Variants in RGL1 observed in about 807,000 individuals in gnomAD.
RGL1 encodes ral guanine nucleotide dissociation stimulator like 1.
RGL1 carries 24 observed loss-of-function variants against 95.2 expected under a neutral mutation model. That is an observed-to-expected ratio of 0.25 (90% CI 0.18 to 0.35). RGL1 has a LOEUF of 0.35. RGL1 is among the 10% of genes least tolerant of loss of function. The pLI is 1.00. For missense variants in RGL1, 715 were observed against 936.3 expected, an observed-to-expected ratio of 0.76 and a Z score of 3.08; for synonymous variants, 329 against 344.9, an observed-to-expected ratio of 0.95 and a Z score of 0.51.
chr1:183,827,719 CCT>C (rs961466473), intron 2 of RGL1, among the ~76,000 whole-genome samples: 3 of 152,166 alleles, frequency 2.0e-5, no homozygotes, highest in African/African-American at 7.2e-5. Flanking sequence ...TTTCTTATTC[CCT>C]CTCTTTCATT....
At chr1:183,694,223 C>T (rs1447532660) in intron 1 of RGL1, among the ~76,000 whole-genome samples, 1 of 152,180 alleles carries the variant, frequency 6.6e-6, no homozygotes, top group Non-Finnish European at 1.5e-5. Context: ...TGCATGAGTT[C>T]TTGGATGCAG....
At chr1:183,923,457 A>C (rs1669429045) in intron 17 of RGL1, among the ~76,000 whole-genome samples, 1 of 152,166 alleles carries the variant, frequency 6.6e-6, no homozygotes, top group Admixed American at 6.5e-5. Flanking sequence ...TATAATTATA[A>C]TTCTAAGCCT....
chr1:183,793,502 A>C (rs1480630139), intron 2 of RGL1, among the ~76,000 whole-genome samples: 1 of 152,186 alleles, frequency 6.6e-6, no homozygotes, highest in African/African-American at 2.4e-5. Context: ...AATATGAGAA[A>C]GTATTTGCAA....
chr1:183,888,296 G>C (rs574843382), intron 7 of RGL1, among the ~76,000 whole-genome samples, 178 bp from the exon 8 acceptor site: 1 of 152,270 alleles, frequency 6.6e-6, no homozygotes, highest in South Asian at 2.1e-4. Context: ...AATCTATAAA[G>C]TGTTTCGATG....
At position 183,916,643 on chromosome 1, in the gene RGL1, C is replaced by A. The variant is rs764716600; in HGVS notation, c.1946C>A (p.Thr649Asn). The change falls in exon 16 of 18, where the codon ACC (threonine) becomes AAC (asparagine). Residue 649 changes from threonine to asparagine, a missense_variant. Thr to Asn is a moderately conservative substitution (Grantham distance 65). Around this residue, in one of 3 missense-constraint regions of RGL1, gnomAD observed 330 missense variants for 429.6 expected, o/e 0.77. Transcript: ENST00000360851. Reference sequence around the variant, plus strand: ...GTTTACAACCAACAGAATGAAGACACCTGCATAATCCGCATCAGTGTGGAA... The same window carrying A: ...GTTTACAACCAACAGAATGAAGACAACTGCATAATCCGCATCAGTGTGGAA... ...PPVYNQQNEDTCIIRISVEDN... is the reference protein window; with the variant it reads ...PPVYNQQNEDNCIIRISVEDN... 1.9e-6 allele frequency: 3 copies of A among 1,613,962 alleles called. No homozygotes were observed. The highest frequency in any genetic ancestry group is 1.7e-5 in the Admixed American group (1 of 60,022).
intron 1 of RGL1, among the ~76,000 whole-genome samples, chr1:183,722,336 G>C (rs1656058034): frequency 6.6e-6 from 1 of 152,000 alleles, no homozygotes; most frequent in Admixed American, 6.6e-5. Context: ...AGAGAGACCT[G>C]GAGGCAATAA....
At chr1:183,694,184 G>A (rs1654124253) in intron 1 of RGL1, among the ~76,000 whole-genome samples, 1 of 152,216 alleles carries the variant, frequency 6.6e-6, no homozygotes, top group Non-Finnish European at 1.5e-5. Flanking sequence ...GGAAGGGAAA[G>A]GTTAACTTTT....
chr1:183,650,508 A>C (rs1280557892), intron 1 of RGL1, among the ~76,000 whole-genome samples: 3 of 152,116 alleles, frequency 2.0e-5, no homozygotes, highest in Non-Finnish European at 4.4e-5. Context: ...CCACCACTGC[A>C]CTCCAGCCTG....
At chr1:183,837,902 C>T (rs1166670050) in intron 2 of RGL1, among the ~76,000 whole-genome samples, 2 of 152,292 alleles carry the variant, frequency 1.3e-5, no homozygotes, top group South Asian at 4.1e-4. Flanking sequence ...AGGCTTGGCG[C>T]TCCTATGAGA....
At chr1:183,713,430 A>G (rs924659904) in intron 1 of RGL1, among the ~76,000 whole-genome samples, 2 of 139,138 alleles carry the variant, frequency 1.4e-5, no homozygotes, top group Non-Finnish European at 3.1e-5. Context: ...TATCTTAAAA[A>G]TTCCAGGATA....
At chr1:183,809,215 C>T (rs1398113654) in intron 2 of RGL1, among the ~76,000 whole-genome samples, 1 of 152,122 alleles carries the variant, frequency 6.6e-6, no homozygotes, top group Non-Finnish European at 1.5e-5. Flanking sequence ...AAAGATGGAA[C>T]ATAATTTTTG....
At chr1:183,913,557 A>G (rs554663433) in intron 15 of RGL1, among the ~76,000 whole-genome samples, 2 of 152,282 alleles carry the variant, frequency 1.3e-5, no homozygotes, top group South Asian at 2.1e-4. Context: ...CAGAAAGTCA[A>G]CTATGACATA....
chr1:183,754,909 T>C (rs1410966869), intron 2 of RGL1: 1 of 152,254 alleles, frequency 6.6e-6, no homozygotes, highest in Non-Finnish European at 1.5e-5. Context: ...CTGCTTTCAT[T>C]TACCTTTTGG....
intron 1 of RGL1, among the ~76,000 whole-genome samples, chr1:183,668,120 C>G (rs1652173994): frequency 6.6e-6 from 1 of 151,596 alleles, no homozygotes; most frequent in Non-Finnish European, 1.5e-5. Flanking sequence ...TTTATTTTAC[C>G]CTTTACGTAT....
chr1:183,664,129 G>A (rs1393258757), intron 1 of RGL1, among the ~76,000 whole-genome samples: 1 of 150,926 alleles, frequency 6.6e-6, no homozygotes, highest in Non-Finnish European at 1.5e-5. Flanking sequence ...CAAGTTAATC[G>A]GTGCAGCACA....
chr1:183,701,594 C>T (rs2102143950), intron 1 of RGL1, among the ~76,000 whole-genome samples: 1 of 152,304 alleles, frequency 6.6e-6, no homozygotes, highest in East Asian at 1.9e-4. Context: ...CCACCCTCCA[C>T]TGCCTTCAAT....
chr1:183,882,691 C>T (rs1205604228), intron 5 of RGL1, among the ~76,000 whole-genome samples: 1 of 152,104 alleles, frequency 6.6e-6, no homozygotes, highest in Non-Finnish European at 1.5e-5. Context: ...CACATACCTG[C>T]CACCAGTATA....
chr1:183,774,079 C>T (rs752158211), intron 2 of RGL1, among the ~76,000 whole-genome samples: 3 of 152,070 alleles, frequency 2.0e-5, no homozygotes, highest in Non-Finnish European at 4.4e-5. Context: ...CAGAACTTAC[C>T]GGAAGAAGTG....
At chr1:183,695,796 CAAGTATTTGAAAT>C (rs1654216351) in intron 1 of RGL1, among the ~76,000 whole-genome samples, 1 of 151,810 alleles carries the variant, frequency 6.6e-6, no homozygotes, top group Non-Finnish European at 1.5e-5. Context: ...TTTATGAACA[CAAGTATTTGAAAT>C]CTAGATTTGT....
Sources: allele counts gnomAD v4.1 joint callset (sites outside exome capture counted in the v4.1 genomes callset), GRCh38; gene constraint gnomAD v4.1.1; regional missense constraint gnomAD v4.1.1; transcripts MANE v1.5; gene names NCBI Gene and HGNC (gene_info 2026-07-23, HGNC 2026-07-21).